DACH1: variants seen among roughly 807,000 people sequenced by gnomAD.
DACH1 encodes the protein dachshund homolog 1.
In DACH1, 12 loss-of-function variants were observed where a neutral mutation model predicts 54.2. The observed-to-expected ratio is 0.22, with a 90% CI of 0.14 to 0.36. The LOEUF (loss-of-function observed/expected upper bound fraction) is 0.36. Ranked by LOEUF, DACH1 falls within the 10% of genes least tolerant of loss-of-function variation. DACH1 has a pLI of 1.00. For synonymous variants in DACH1, 386 were observed against 366.2 expected (o/e 1.05, Z -0.62); for missense variants, 805 against 929.8 (o/e 0.87, Z 1.75).
intron 1 of DACH1, among the ~76,000 whole-genome samples, chr13:71,845,706 A>C (rs1873191655): frequency 6.6e-6 from 1 of 152,212 alleles, no homozygotes; most frequent in African/African-American, 2.4e-5. Flanking sequence ...AGAATTTGTC[A>C]AGAAAGGACT....
chr13:71,725,909 C>T (rs1381354482), intron 1 of DACH1, among the ~76,000 whole-genome samples: 3 of 152,206 alleles, frequency 2.0e-5, no homozygotes, highest in South Asian at 2.1e-4. Context: ...CAAATAGATA[C>T]ACTTTGCTCC....
chr13:71,791,891 G>T (rs989822948), intron 1 of DACH1, among the ~76,000 whole-genome samples: 5 of 152,076 alleles, frequency 3.3e-5, no homozygotes, highest in Non-Finnish European at 7.4e-5. Flanking sequence ...TCAAGTCTAG[G>T]TTGGTATTAT....
At chr13:71,851,027 A>T (rs1429624142) in intron 1 of DACH1, among the ~76,000 whole-genome samples, 10 of 152,236 alleles carry the variant, frequency 6.6e-5, no homozygotes. Context: ...ATGTACGTCC[A>T]TGAGTATGCT....
At chr13:71,675,303 A>G (rs1880493679) in intron 2 of DACH1, 2 of 1,602,944 alleles carry the variant, frequency 1.2e-6, no homozygotes, top group Non-Finnish European at 1.7e-6. Context: ...AGTACTTTAA[A>G]ACAGATCTGC....
chr13:71,758,364 G>A (rs749951012), intron 1 of DACH1, among the ~76,000 whole-genome samples: 4 of 152,178 alleles, frequency 2.6e-5, no homozygotes, highest in Non-Finnish European at 5.9e-5. Context: ...AAACACCTCT[G>A]TAGGTGTCTA....
chr13:71,803,507 T>C (rs1887370029), intron 1 of DACH1, among the ~76,000 whole-genome samples: 1 of 152,118 alleles, frequency 6.6e-6, no homozygotes, highest in Non-Finnish European at 1.5e-5. Context: ...GATTGTAAAT[T>C]TGCAAATTTC....
At chr13:71,448,757 T>C (rs1874704935) in intron 10 of DACH1, among the ~76,000 whole-genome samples, 2 of 151,948 alleles carry the variant, frequency 1.3e-5, no homozygotes, top group South Asian at 4.1e-4. Context: ...TGAAGACTAA[T>C]ATATTCAAAG....
intron 1 of DACH1, among the ~76,000 whole-genome samples, chr13:71,710,422 G>T (rs1882660726): frequency 6.6e-6 from 1 of 150,942 alleles, no homozygotes; most frequent in Admixed American, 6.6e-5. Flanking sequence ...ATTTTATGGG[G>T]CCTGAAAGTG....
At chr13:71,797,957 T>C (rs1019061935) in intron 1 of DACH1, among the ~76,000 whole-genome samples, 1 of 152,104 alleles carries the variant, frequency 6.6e-6, no homozygotes, top group Non-Finnish European at 1.5e-5. Context: ...CAGAACAGTT[T>C]CACTGTAATT....
At chr13:71,606,560 A>G (rs1214526175) in intron 3 of DACH1, among the ~76,000 whole-genome samples, 1 of 151,972 alleles carries the variant, frequency 6.6e-6, no homozygotes, top group African/African-American at 2.4e-5. Flanking sequence ...TGTTGTGGAA[A>G]ATTGGTCCCA....
At chr13:71,508,178 G>A (rs1880481177) in intron 6 of DACH1, among the ~76,000 whole-genome samples, 1 of 152,112 alleles carries the variant, frequency 6.6e-6, no homozygotes, top group African/African-American at 2.4e-5. Flanking sequence ...CTGCATATTA[G>A]TACGTTTACT....
chr13:71,779,346 G>A (rs1430831328), intron 1 of DACH1, among the ~76,000 whole-genome samples: 6 of 148,606 alleles, frequency 4.0e-5, no homozygotes, highest in East Asian at 2.0e-4. Flanking sequence ...AACAGAAAAC[G>A]TTTTAAGAGT....
chr13:71,617,375 A>G (rs1875862210), intron 3 of DACH1, among the ~76,000 whole-genome samples: 1 of 152,200 alleles, frequency 6.6e-6, no homozygotes, highest in Non-Finnish European at 1.5e-5. Flanking sequence ...TTTACAGCCA[A>G]CTAATCAGAA....
intron 6 of DACH1, among the ~76,000 whole-genome samples, chr13:71,552,351 T>A (rs1883870999): frequency 6.6e-6 from 1 of 152,068 alleles, no homozygotes. Flanking sequence ...AATGCTTAAG[T>A]TTTCTATAAT....
At chr13:71,506,405 C>A (rs1459001161) in intron 6 of DACH1, among the ~76,000 whole-genome samples, 1 of 149,770 alleles carries the variant, frequency 6.7e-6, no homozygotes, top group African/African-American at 2.5e-5. Flanking sequence ...TTTGTTCTTG[C>A]GATAGTTTAC....
At chr13:71,624,873 G>A (rs1876527549) in intron 3 of DACH1, among the ~76,000 whole-genome samples, 1 of 151,868 alleles carries the variant, frequency 6.6e-6, no homozygotes, top group Non-Finnish European at 1.5e-5. Flanking sequence ...GGAGCAATTA[G>A]CTCATCAGCA....
intron 1 of DACH1, among the ~76,000 whole-genome samples, chr13:71,804,102 T>C (rs559036891): frequency 3.9e-5 from 6 of 152,200 alleles, no homozygotes; most frequent in African/African-American, 1.2e-4. Flanking sequence ...GAGAATTGCT[T>C]GAGCCCAGGA....
chr13:71,559,865 C>G lies in DACH1; in HGVS notation c.1390G>C (p.Val464Leu). 1 of 1,613,380 alleles carries G rather than the reference C, an allele frequency of 6.2e-7. No individual in the cohort carries two copies. Among genetic ancestry groups the G allele is most frequent in the Non-Finnish European group, 8.5e-7 (1 of 1,179,728 alleles). ...SHPSSHRSSS[V>L]SSSPARTESS... ...TCAGTCCGAGCAGGGGAGCTGGACACGCTGCTGCTGCGATGTGATGATGGG... is the reference window on the plus strand; with the variant it reads ...TCAGTCCGAGCAGGGGAGCTGGACAGGCTGCTGCTGCGATGTGATGATGGG... Residue 464 changes from valine to leucine, a missense_variant, in exon 5 of 11, where the codon GTG (valine) becomes CTG (leucine). By Grantham distance (32) the Val-to-Leu change is conservative. Transcript: ENST00000613252.
intron 1 of DACH1, among the ~76,000 whole-genome samples, chr13:71,685,570 T>C (rs1881119170): frequency 1.3e-5 from 2 of 152,190 alleles, no homozygotes; most frequent in African/African-American, 2.4e-5. Flanking sequence ...ACAAGACTTT[T>C]CTCTATCCCT....
Sources: gnomAD v4.1 joint callset for allele counts (sites outside exome capture counted in the v4.1 genomes callset) on GRCh38, gnomAD v4.1.1 for gene constraint, MANE v1.5 for transcripts, NCBI Gene and HGNC (gene_info 2026-07-23, HGNC 2026-07-21) for gene names.